TUBGCP3: variants seen among roughly 807,000 people sequenced by gnomAD.
TUBGCP3 encodes tubulin gamma complex component 3.
In TUBGCP3, 50 loss-of-function variants were observed where a neutral mutation model predicts 123.1. That is an observed-to-expected ratio of 0.41 (90% CI 0.32 to 0.51). TUBGCP3 has a LOEUF of 0.51. Ranked by LOEUF, TUBGCP3 falls within the 20% of genes least tolerant of loss-of-function variation. TUBGCP3 has a pLI of 0.36. For synonymous variants in TUBGCP3, 405 were observed against 413.9 expected (o/e 0.98, Z 0.26); for missense variants, 882 against 1,127.0 (o/e 0.78, Z 3.11).
At chr13:112,533,488 G>C (rs112735229) in intron 11 of TUBGCP3, among the ~76,000 whole-genome samples, 3 of 151,920 alleles carry the variant, frequency 2.0e-5, no homozygotes, top group African/African-American at 7.3e-5. Flanking sequence ...TGTGGACTTG[G>C]GAGGAAAAAT....
At chr13:112,544,223 G>A (rs574267747) in intron 11 of TUBGCP3, among the ~76,000 whole-genome samples, 1 of 152,112 alleles carries the variant, frequency 6.6e-6, no homozygotes, top group South Asian at 2.1e-4. Context: ...GGAGGCCAAG[G>A]CGGGCAGATC....
intron 1 of TUBGCP3, among the ~76,000 whole-genome samples, chr13:112,579,556 C>T (rs1286179556): frequency 7.5e-5 from 10 of 132,868 alleles, no homozygotes; most frequent in African/African-American, 2.9e-4. Flanking sequence ...TGCTGAGTGC[C>T]GGGGGGCCAC....
chr13:112,549,748 G>C (rs1293391323), intron 8 of TUBGCP3, among the ~76,000 whole-genome samples: 1 of 151,942 alleles, frequency 6.6e-6, no homozygotes, highest in East Asian at 1.9e-4. Context: ...CTAGCACTTT[G>C]GGAGGCCAAG....
the TUBGCP3 span, among the ~76,000 whole-genome samples, chr13:112,599,811 G>A: frequency 1.3e-5 from 2 of 151,996 alleles, no homozygotes; most frequent in South Asian, 2.1e-4. Context: ...GAGCCACTGC[G>A]CCCAGCCTAC....
chr13:112,569,417 C>A (rs1340526967), intron 1 of TUBGCP3, among the ~76,000 whole-genome samples, 158 bp from the exon 2 acceptor site: 1 of 152,082 alleles, frequency 6.6e-6, no homozygotes, highest in African/African-American at 2.4e-5. Flanking sequence ...GATATCAAAA[C>A]AGAATGAATG....
intron 11 of TUBGCP3, among the ~76,000 whole-genome samples, chr13:112,535,599 C>A (rs1301754890): frequency 3.9e-5 from 6 of 152,162 alleles, no homozygotes; most frequent in Admixed American, 6.5e-5. Context: ...GGAGAAATAT[C>A]TTCTCAAACC....
chr13:112,520,078 A>G (rs1876485426), intron 14 of TUBGCP3, 57 bp from the exon 15 acceptor site: 1 of 1,522,694 alleles, frequency 6.6e-7, no homozygotes, highest in African/African-American at 1.4e-5. Flanking sequence ...AATGAACTTT[A>G]AAAAACGTAT....
the TUBGCP3 span, among the ~76,000 whole-genome samples, chr13:112,600,949 A>C: frequency 6.6e-6 from 1 of 152,206 alleles, no homozygotes; most frequent in African/African-American, 2.4e-5. Context: ...GCACTTTGAG[A>C]GGCCAAGGCA....
At chr13:112,599,237 T>C in the TUBGCP3 span, among the ~76,000 whole-genome samples, 1 of 152,290 alleles carries the variant, frequency 6.6e-6, no homozygotes, top group Non-Finnish European at 1.5e-5. Context: ...GGTAAAGTTA[T>C]TCTATGAGGT....
At chr13:112,507,415 T>C (rs1881377551) in intron 17 of TUBGCP3, among the ~76,000 whole-genome samples, 1 of 152,228 alleles carries the variant, frequency 6.6e-6, no homozygotes, top group Non-Finnish European at 1.5e-5. Context: ...TGAAGCTGAA[T>C]GACAAAACTA....
At chr13:112,579,303 G>A (rs1193345842) in intron 1 of TUBGCP3, among the ~76,000 whole-genome samples, 1 of 151,800 alleles carries the variant, frequency 6.6e-6, no homozygotes, top group Non-Finnish European at 1.5e-5. Flanking sequence ...GGCATCCCTG[G>A]AGCTCTCCCA....
intron 8 of TUBGCP3, among the ~76,000 whole-genome samples, chr13:112,550,321 A>T (rs762563846): frequency 1.6e-4 from 25 of 152,320 alleles, no homozygotes; most frequent in Middle Eastern, 6.8e-3. Context: ...GTATATTTTT[A>T]AAATATATCA....
chr13:112,578,837 G>A (rs1162752508), intron 1 of TUBGCP3, among the ~76,000 whole-genome samples: 3 of 151,968 alleles, frequency 2.0e-5, no homozygotes, highest in Non-Finnish European at 4.4e-5. Context: ...ACCAGACTTC[G>A]TCACCCCCAC....
intron 1 of TUBGCP3, among the ~76,000 whole-genome samples, chr13:112,578,404 A>C (rs1882010623): frequency 1.3e-5 from 2 of 149,212 alleles, no homozygotes; most frequent in African/African-American, 2.5e-5. Context: ...CTAAAAATAC[A>C]AAAAATTAGC....
intron 1 of TUBGCP3, among the ~76,000 whole-genome samples, chr13:112,578,248 T>C (rs1485651702): frequency 1.3e-5 from 2 of 152,086 alleles, no homozygotes; most frequent in Admixed American, 1.3e-4. Context: ...CCAGGATCGA[T>C]TGTATCTTGA....
At position 112,504,647 on chromosome 13, in the gene TUBGCP3, C is replaced by T. The variant is rs1478861621; in HGVS notation, c.2154G>A (p.Met718Ile). 4.3e-6 allele frequency: 7 copies of T among 1,613,492 alleles called. No individual in the cohort carries two copies. Among genetic ancestry groups the T allele is most frequent in the Non-Finnish European group, 5.9e-6 (7 of 1,179,932 alleles). The change falls in exon 18 of 22, where the codon ATG becomes ATA. Residue 718 changes from methionine (M) to isoleucine (I), a missense_variant. Transcript: ENST00000261965. ...GTACCTCAAATGTGATGTAATACTG[C>T]ATCTGATGAATGAAATGGACCATCT... ...ASEMVHFIHQ[M>I]QYYITFEVLE...
At position 112,547,396 on chromosome 13, in the gene TUBGCP3, T is replaced by A; in HGVS notation, c.1168+224A>T. ...TCCCCTCTTGGCTCCCATCTGTCGA[T>A]TCCTATCGAATCAACACGGCCATTA... On this transcript the variant is annotated intron_variant, in intron 10 of 21. Coordinates refer to ENST00000261965, the MANE Select transcript of TUBGCP3 (RefSeq NM_006322.6). 12 of 683,278 alleles carry A rather than the reference T, an allele frequency of 1.8e-5. No homozygotes were observed. The South Asian group carries it at 6.8e-4, about 39-fold the overall frequency. 42.3% of individuals were successfully genotyped at this position (683,278 alleles called of 1,614,324 possible). A position where few individuals can be genotyped will look rare whatever the true frequency, so the allele number is the denominator to read the frequency against.
chr13:112,512,786 A>G (rs1257683641), intron 17 of TUBGCP3, among the ~76,000 whole-genome samples: 2 of 152,206 alleles, frequency 1.3e-5, no homozygotes, highest in African/African-American at 4.8e-5. Context: ...TGAGAACTTC[A>G]GGGACCATTT....
intron 11 of TUBGCP3, among the ~76,000 whole-genome samples, chr13:112,544,106 C>T (rs78500534): frequency 0.024 from 3,611 of 152,248 alleles, 68 homozygotes; most frequent in Middle Eastern, 0.048. Context: ...CTGATAGCTG[C>T]GTCAACCTGG....
Sources: gnomAD v4.1 joint callset for allele counts (sites outside exome capture counted in the v4.1 genomes callset) on GRCh38, gnomAD v4.1.1 for gene constraint, MANE v1.5 for transcripts, NCBI Gene and HGNC (gene_info 2026-07-23, HGNC 2026-07-21) for gene names.